The following HABP4 variants were observed in gnomAD, a reference collection of about 807,000 sequenced individuals.
HABP4 encodes the protein hyaluronan binding protein 4, also known as intracellular hyaluronan-binding protein 4.
A neutral mutation model predicts 44.1 loss-of-function variants in HABP4; 32 were observed. The ratio of observed to expected loss-of-function variants is 0.73; its 90% CI spans 0.55 to 0.97. The LOEUF is 0.97. Ranked by LOEUF, HABP4 falls within the 50% of genes least tolerant of loss-of-function variation. HABP4 has a pLI of 0.00. For synonymous variants in HABP4, 216 were observed against 218.0 expected (o/e 0.99, Z 0.08); for missense variants, 503 against 561.9 (o/e 0.90, Z 1.06).
At chr9:96,464,241 A>G (rs888575993) in intron 2 of HABP4, among the ~76,000 whole-genome samples, 3 of 152,196 alleles carry the variant, frequency 2.0e-5, no homozygotes, top group Non-Finnish European at 4.4e-5. Context: ...TCTAGGAAGT[A>G]ACTGGCTTCA....
chr9:96,463,411 C>T (rs766105265), intron 2 of HABP4, among the ~76,000 whole-genome samples: 3 of 152,220 alleles, frequency 2.0e-5, no homozygotes, highest in African/African-American at 7.2e-5. Context: ...TCCGCCACAA[C>T]GGCCGGCTAA....
intron 5 of HABP4, among the ~76,000 whole-genome samples, chr9:96,471,300 G>C (rs1028329324): frequency 1.3e-5 from 2 of 152,026 alleles, no homozygotes; most frequent in African/African-American, 4.8e-5. Flanking sequence ...GCGCCACCAC[G>C]CCCAGCTAAT....
intron 1 of HABP4, among the ~76,000 whole-genome samples, chr9:96,455,987 G>A (rs1379479170): frequency 7.2e-5 from 11 of 151,956 alleles, no homozygotes; most frequent in South Asian, 2.1e-4. Flanking sequence ...CCTGGGAGGC[G>A]GAGGTTGCAG....
intron 1 of HABP4, among the ~76,000 whole-genome samples, chr9:96,453,854 G>A (rs903536485): frequency 1.3e-5 from 2 of 152,182 alleles, no homozygotes; most frequent in Non-Finnish European, 2.9e-5. Flanking sequence ...ATTCATGGCA[G>A]TGTTGATCTC....
chr9:96,480,951 G>T (rs749101079), intron 5 of HABP4, among the ~76,000 whole-genome samples: 1 of 152,150 alleles, frequency 6.6e-6, no homozygotes, highest in African/African-American at 2.4e-5. Context: ...TGGATGCTCT[G>T]TGGTTAGGTT....
chr9:96,490,045 CCT>C lies in HABP4; in HGVS notation c.*8_*9del. 1 of 1,578,386 alleles carries C rather than the reference CCT, an allele frequency of 6.3e-7. No individual in the cohort carries two copies. The highest frequency in any genetic ancestry group is 8.7e-7 in the Non-Finnish European group (1 of 1,147,282). ...TTTCCCTGCGCTGTCTTGAAAGAGC[CCT>C]GTTTCCCAGCACCGCGGAGCTGCAC... On this transcript the variant is annotated 3_prime_UTR_variant, in exon 8 of 8. Transcript: ENST00000375249.
chr9:96,453,981 G>A (rs1167440766), intron 1 of HABP4, among the ~76,000 whole-genome samples: 2 of 152,232 alleles, frequency 1.3e-5, no homozygotes, highest in Admixed American at 6.5e-5. Context: ...TCTTTGTTTT[G>A]GGGGGTTTGG....
At chr9:96,483,030 A>G (rs1832905155) in intron 5 of HABP4, 1 of 152,208 alleles carries the variant, frequency 6.6e-6, no homozygotes, top group Non-Finnish European at 1.5e-5. Flanking sequence ...TTTCCGGGTC[A>G]GAGGCTAACT....
chr9:96,467,857 C>T (rs1251399021), intron 4 of HABP4, among the ~76,000 whole-genome samples: 5 of 152,124 alleles, frequency 3.3e-5, no homozygotes, highest in African/African-American at 1.2e-4. Flanking sequence ...ATCTGATTTA[C>T]CACCTTATCT....
intron 5 of HABP4, among the ~76,000 whole-genome samples, chr9:96,473,736 C>T (rs1832733156): frequency 6.6e-6 from 1 of 152,190 alleles, no homozygotes; most frequent in African/African-American, 2.4e-5. Flanking sequence ...TTTTATCCCA[C>T]CCCTGCCCTC....
chr9:96,451,809 C>T (rs1832283204), intron 1 of HABP4, among the ~76,000 whole-genome samples: 1 of 152,196 alleles, frequency 6.6e-6, no homozygotes, highest in South Asian at 2.1e-4. Flanking sequence ...CCTATCTAAA[C>T]AGTGAGACTG....
intron 5 of HABP4, among the ~76,000 whole-genome samples, chr9:96,482,596 T>C (rs755622128): frequency 6.6e-6 from 1 of 152,188 alleles, no homozygotes; most frequent in African/African-American, 2.4e-5. Context: ...ATGATCTGGC[T>C]CCAGAAGGTT....
Position 96,458,462 on chromosome 9 carries a change from C to G in HABP4, c.433C>G (p.Arg145Gly), listed in dbSNP as rs552565047. 6.2e-7 allele frequency: 1 copy of G among 1,612,770 alleles called. No homozygotes were observed. Among genetic ancestry groups the G allele is most frequent in the Non-Finnish European group, 8.5e-7 (1 of 1,178,912 alleles). ...GPEGMLERAE[R>G]RSYREYRPYE... The stretch of plus-strand genomic sequence containing the variant: ...GGAGGGGATGCTCGAAAGAGCTGAG[C>G]GGAGATCCTACAGGGAATACCGACC... Residue 145 changes from arginine (R) to glycine (G), a missense_variant, in exon 2 of 8, where the codon CGG (arginine) becomes GGG (glycine). Arg to Gly is a moderately radical substitution (Grantham distance 125). This residue lies in a region of HABP4 where 290 missense variants were observed against 300.5 expected (regional missense o/e 0.97). Coordinates refer to ENST00000375249, the MANE Select transcript of HABP4 (RefSeq NM_014282.4).
At chr9:96,473,903 T>G (rs949870574) in intron 5 of HABP4, among the ~76,000 whole-genome samples, 2 of 152,216 alleles carry the variant, frequency 1.3e-5, no homozygotes, top group Admixed American at 6.5e-5. Context: ...TGAGTTGAAA[T>G]CCCAGCTCTG....
chr9:96,483,757 G>A (rs1267541985), intron 5 of HABP4: 1 of 152,084 alleles, frequency 6.6e-6, no homozygotes, highest in East Asian at 1.9e-4. Flanking sequence ...GCCCAGTCCA[G>A]GGTTAAGAAA....
chr9:96,450,308 C>G lies in HABP4; in HGVS notation c.29C>G (p.Ala10Gly). 1.4e-6 allele frequency: 2 copies of G among 1,432,776 alleles called. No individual in the cohort carries two copies. The highest frequency in any genetic ancestry group is 1.3e-5 in the South Asian group (1 of 78,304). 88.8% of individuals were successfully genotyped at this position (1,432,776 alleles called of 1,614,324 possible). A position where few individuals can be genotyped will look rare whatever the true frequency, so the allele number is the denominator to read the frequency against. Reference sequence around the variant, plus strand: ...AAGGGCGCTCTGGGGAGTCCCGTGGCTGCCGCTGGCGCCGCGATGCAGGAG... The same window carrying G: ...AAGGGCGCTCTGGGGAGTCCCGTGGGTGCCGCTGGCGCCGCGATGCAGGAG... MKGALGSPV[A>G]AAGAAMQESF... is the part of the protein sequence containing the mutation. Residue 10 changes from alanine (A) to glycine (G), a missense_variant, in exon 1 of 8, where the codon GCT (alanine) becomes GGT (glycine). Ala to Gly is a moderately conservative substitution (Grantham distance 60, BLOSUM62 0). This residue lies in a region of HABP4 where 290 missense variants were observed against 300.5 expected (regional missense o/e 0.97). Transcript: ENST00000375249. This position sits in a 1 kb window ranked among gnomAD's most constrained non-coding sequence, Gnocchi z 4.8.
chr9:96,465,311 T>C (rs753828002), intron 2 of HABP4, 26 bp from the exon 3 acceptor site: 8 of 1,536,576 alleles, frequency 5.2e-6, no homozygotes, highest in Non-Finnish European at 7.2e-6. Context: ...AATTTACCAG[T>C]TTTTATTATA....
At chr9:96,487,247 G>A (rs1432682678) in intron 6 of HABP4, among the ~76,000 whole-genome samples, 3 of 147,638 alleles carry the variant, frequency 2.0e-5, no homozygotes, top group Non-Finnish European at 4.6e-5. Context: ...TAGCACTTTG[G>A]AGATTCTCAT....
chr9:96,452,201 T>C (rs1267565673), intron 1 of HABP4, among the ~76,000 whole-genome samples: 1 of 139,244 alleles, frequency 7.2e-6, no homozygotes, highest in East Asian at 2.1e-4. Flanking sequence ...TACTCCAGTC[T>C]GGGAGAAAGA....
Sources: gnomAD v4.1 joint callset for allele counts (sites outside exome capture counted in the v4.1 genomes callset) on GRCh38, gnomAD v4.1.1 for gene constraint, gnomAD v4.1.1 regional missense constraint, Gnocchi (gnomAD v3.1) non-coding constraint, MANE v1.5 for transcripts, NCBI Gene and HGNC (gene_info 2026-07-23, HGNC 2026-07-21) for gene names.